TPRG1: variants seen among roughly 807,000 people sequenced by gnomAD.
The protein encoded by TPRG1 is tumor protein p63 regulated 1.
Under a neutral mutation model 29.3 loss-of-function variants are expected in TPRG1, and 29 were observed. The ratio of observed to expected loss-of-function variants is 0.99; its 90% CI spans 0.74 to 1.35. TPRG1 has a LOEUF of 1.35. Among genes scored for constraint, TPRG1 ranks in the 40% most tolerant of loss-of-function variants. The pLI, the probability that TPRG1 is intolerant of heterozygous loss-of-function variation, is 0.00. For missense variants in TPRG1, 327 were observed against 335.0 expected (o/e 0.98, Z 0.19); for synonymous variants, 130 against 116.8 (o/e 1.11, Z -0.73).
intron 4 of TPRG1, among the ~76,000 whole-genome samples, chr3:189,040,563 G>A (rs1263963867): frequency 6.6e-6 from 1 of 152,080 alleles, no homozygotes; most frequent in Non-Finnish European, 1.5e-5. Flanking sequence ...GCATCTCTCA[G>A]TGGGAGCACA....
At chr3:189,201,995 C>G (rs79741141) in intron 1 of TPRG1, among the ~76,000 whole-genome samples, 1 of 152,036 alleles carries the variant, frequency 6.6e-6, no homozygotes, top group Non-Finnish European at 1.5e-5. Flanking sequence ...AAAAACACCC[C>G]CAAACATGCC....
intron 5 of TPRG1, among the ~76,000 whole-genome samples, chr3:189,151,579 C>T (rs1475163620): frequency 6.6e-6 from 1 of 152,024 alleles, no homozygotes; most frequent in Admixed American, 6.6e-5. Context: ...CACCAAAGCC[C>T]TTTGCAGAAA....
intron 1 of TPRG1, among the ~76,000 whole-genome samples, chr3:189,204,037 C>CAAAA (rs35367828): frequency 1.4e-4 from 12 of 87,916 alleles, no homozygotes; most frequent in East Asian, 3.7e-4. Flanking sequence ...GAGACTGTCT[C>CAAAA]AAAAAAAAAA....
intron 3 of TPRG1, among the ~76,000 whole-genome samples, chr3:189,216,272 A>G (rs922529792): frequency 6.6e-6 from 1 of 152,192 alleles, no homozygotes; most frequent in African/African-American, 2.4e-5. Flanking sequence ...TGTGATTCCT[A>G]TACCTTGAGT....
At chr3:189,054,722 G>A (rs1322296683) in intron 4 of TPRG1, among the ~76,000 whole-genome samples, 1 of 152,024 alleles carries the variant, frequency 6.6e-6, no homozygotes, top group East Asian at 2.0e-4. Flanking sequence ...AGAGGTTATG[G>A]TGAGCTATGA....
chr3:189,282,273 A>G (rs1186916497), intron 4 of TPRG1, among the ~76,000 whole-genome samples: 1 of 149,866 alleles, frequency 6.7e-6, no homozygotes, highest in South Asian at 2.1e-4. Flanking sequence ...ATCAGTGGAT[A>G]ACATGGTGTT....
chr3:189,049,918 G>A (rs1348657161), intron 4 of TPRG1, among the ~76,000 whole-genome samples: 2 of 152,054 alleles, frequency 1.3e-5, no homozygotes, highest in Admixed American at 1.3e-4. Context: ...AAACCTCTGG[G>A]ATACAGCAAA....
chr3:189,094,831 G>C (rs1560440463), intron 4 of TPRG1, among the ~76,000 whole-genome samples: 1 of 152,178 alleles, frequency 6.6e-6, no homozygotes, highest in Non-Finnish European at 1.5e-5. Context: ...CTTCTTTAGG[G>C]TGACAATCCT....
chr3:189,171,680 G>T (rs1374668577), upstream of TPRG1, among the ~76,000 whole-genome samples: 1 of 152,200 alleles, frequency 6.6e-6, no homozygotes, highest in Non-Finnish European at 1.5e-5. Context: ...TGATAGGAGT[G>T]TAGGCCTCAG....
intron 4 of TPRG1, among the ~76,000 whole-genome samples, chr3:189,067,551 C>T (rs77903507): frequency 0.013 from 1,965 of 152,078 alleles, 49 homozygotes; most frequent in African/African-American, 0.046. Flanking sequence ...ACAAAGGTAT[C>T]GAGAAAATAC....
At chr3:189,026,139 T>C (rs559912047) in intron 4 of TPRG1, among the ~76,000 whole-genome samples, 2 of 152,190 alleles carry the variant, frequency 1.3e-5, no homozygotes, top group Admixed American at 1.3e-4. Context: ...TTTCTCACTA[T>C]TTTGGAGACT....
intron 4 of TPRG1, among the ~76,000 whole-genome samples, chr3:189,275,079 G>C (rs1715895797): frequency 6.6e-6 from 1 of 151,518 alleles, no homozygotes; most frequent in Non-Finnish European, 1.5e-5. Flanking sequence ...TCTTCTGATT[G>C]CTCTAAGTAG....
chr3:189,287,215 C>T (rs1296011195), intron 4 of TPRG1, among the ~76,000 whole-genome samples: 10 of 152,178 alleles, frequency 6.6e-5, no homozygotes, highest in Admixed American at 3.3e-4. Context: ...CTCCCAGTGA[C>T]GCTTTGCCTT....
chr3:189,145,118 C>G (rs1725073939), intron 3 of TPRG1, among the ~76,000 whole-genome samples: 1 of 152,030 alleles, frequency 6.6e-6, no homozygotes, highest in Non-Finnish European at 1.5e-5. Flanking sequence ...AATCCCAGCA[C>G]TTTGGGAGGA....
intron 1 of TPRG1, among the ~76,000 whole-genome samples, chr3:189,188,872 C>T (rs1183574301): frequency 6.6e-6 from 1 of 152,134 alleles, no homozygotes; most frequent in East Asian, 1.9e-4. Context: ...GACCAATAAC[C>T]CAGTTATCTG....
intron 4 of TPRG1, among the ~76,000 whole-genome samples, chr3:189,033,472 G>A (rs756839794): frequency 1.3e-5 from 2 of 151,822 alleles, no homozygotes; most frequent in African/African-American, 2.4e-5. Flanking sequence ...TGTAAAGATG[G>A]GATTTTGTCA....
At chr3:189,048,592 T>G (rs941819443) in intron 4 of TPRG1, among the ~76,000 whole-genome samples, 3 of 151,898 alleles carry the variant, frequency 2.0e-5, no homozygotes, top group Non-Finnish European at 2.9e-5. Flanking sequence ...TAGAAGGCTG[T>G]TTTTTTTCTA....
intron 3 of TPRG1, among the ~76,000 whole-genome samples, chr3:189,220,485 A>G (rs778913727): frequency 7.2e-5 from 11 of 152,142 alleles, no homozygotes; most frequent in Non-Finnish European, 1.5e-4. Flanking sequence ...TTTGTTACAG[A>G]GGTAAAATTG....
chr3:189,136,030 G>T (rs1723708362), intron 3 of TPRG1, among the ~76,000 whole-genome samples: 1 of 152,100 alleles, frequency 6.6e-6, no homozygotes, highest in Non-Finnish European at 1.5e-5. Flanking sequence ...TTATAGCTGT[G>T]TGTTTGTGCC....
Sources: allele counts gnomAD v4.1 joint callset (sites outside exome capture counted in the v4.1 genomes callset), GRCh38; gene constraint gnomAD v4.1.1; transcripts MANE v1.5; gene names NCBI Gene and HGNC (gene_info 2026-07-23, HGNC 2026-07-21).